The following INPP4B variants were observed in gnomAD, a reference collection of about 807,000 sequenced individuals.
INPP4B encodes the protein inositol polyphosphate 4-phosphatase type II.
In INPP4B, 55 loss-of-function variants were observed where a neutral mutation model predicts 122.5. The observed-to-expected ratio is 0.45, with a 90% CI of 0.36 to 0.56. The LOEUF (loss-of-function observed/expected upper bound fraction) is 0.56. Ranked by LOEUF, INPP4B falls within the 20% of genes least tolerant of loss-of-function variation. The pLI is 0.00. For synonymous variants in INPP4B, 403 were observed against 388.7 expected, an observed-to-expected ratio of 1.04 and a Z score of -0.43; for missense variants, 1,000 against 1,097.7, an observed-to-expected ratio of 0.91 and a Z score of 1.26.
In INPP4B at chr4:142,679,888, G is replaced by A. The variant is rs190711105; in HGVS notation, c.-191+45951C>T. 2.4e-3 allele frequency among the ~76,000 whole-genome samples: 367 copies of A among 151,554 alleles called. No individual in the cohort carries two copies. In the Middle Eastern group the frequency reaches 0.034, roughly 14 times the overall value. ...TGTATACCCTTCAATAGTACTCCCT[G>A]TGTCAAAACGTTAAAAAAAAAATAG... is the stretch of plus-strand genomic sequence containing the variant. On this transcript the variant is annotated intron_variant, in intron 2 of 25. Transcript: ENST00000262992.
intron 2 of INPP4B, among the ~76,000 whole-genome samples, chr4:142,682,721 A>G (rs766261736): frequency 3.3e-5 from 5 of 151,932 alleles, no homozygotes; most frequent in Admixed American, 2.0e-4. Flanking sequence ...GACTCTGATC[A>G]TGGGACTCTG....
chr4:142,528,067 T>C (rs778753541), intron 2 of INPP4B, among the ~76,000 whole-genome samples: 6 of 152,052 alleles, frequency 3.9e-5, no homozygotes, highest in Non-Finnish European at 8.8e-5. Flanking sequence ...TTATTGCTTT[T>C]ATTGTCTTGG....
chr4:142,409,624 G>T (rs566472877), intron 5 of INPP4B, among the ~76,000 whole-genome samples: 84 of 152,236 alleles, frequency 5.5e-4, no homozygotes, highest in Non-Finnish European at 1.0e-3. Context: ...GAACAAACTG[G>T]AAAGCTTACA....
At chr4:142,642,250 G>A (rs1193782951) in intron 2 of INPP4B, among the ~76,000 whole-genome samples, 2 of 152,150 alleles carry the variant, frequency 1.3e-5, no homozygotes, top group Non-Finnish European at 1.5e-5. Context: ...TTCTTTTGCT[G>A]TGCAGAAGCT....
Position 142,145,940 on chromosome 4 carries a change from G to A in INPP4B, c.1620C>T (p.Asp540=), listed in dbSNP as rs2152843289. The change falls in exon 18 of 26, where the codon GAC becomes GAT. Residue 540 remains aspartate (D), a synonymous_variant. Transcript: ENST00000262992. ...TGCCACCATCTCTTTCAATCAGTTT[G>A]TCCACCATAGCAATAATGCAGTTCA... ...KSLNCIIAMV[D]KLIERDGGSE... The A allele has an allele frequency of 1.9e-6, 3 of 1,613,802 alleles. No homozygotes were observed. Among genetic ancestry groups the A allele is most frequent in the Non-Finnish European group, 2.5e-6 (3 of 1,179,792 alleles).
At chr4:142,236,268 G>A (rs536373178) in intron 12 of INPP4B, among the ~76,000 whole-genome samples, 1 of 152,260 alleles carries the variant, frequency 6.6e-6, no homozygotes, top group Non-Finnish European at 1.5e-5. Context: ...TGAGCATAAT[G>A]ACTCTTATAT....
intron 13 of INPP4B, 51 bp downstream of exon 13, chr4:142,208,845 C>A: frequency 7.6e-7 from 1 of 1,323,940 alleles, no homozygotes. Flanking sequence ...TTTCATTTCA[C>A]ATGCAGGAAA....
At chr4:142,195,697 G>A (rs566419295) in intron 14 of INPP4B, among the ~76,000 whole-genome samples, 102 of 152,204 alleles carry the variant, frequency 6.7e-4, no homozygotes, top group South Asian at 1.2e-3. Context: ...ATTGCCTGTA[G>A]CCTCTCTAGA....
intron 11 of INPP4B, among the ~76,000 whole-genome samples, chr4:142,241,141 G>T (rs1219845349): frequency 2.0e-5 from 3 of 152,122 alleles, no homozygotes; most frequent in African/African-American, 7.2e-5. Context: ...GAGATGGCTT[G>T]CTATCCATAC....
chr4:142,154,137 A>G (rs932107108), intron 17 of INPP4B, among the ~76,000 whole-genome samples: 1 of 151,980 alleles, frequency 6.6e-6, no homozygotes, highest in Admixed American at 6.6e-5. Flanking sequence ...GGTGAGAGTG[A>G]ATGCTTTGAG....
chr4:142,549,720 G>T lies in INPP4B; in HGVS notation c.-190-86994C>A, dbSNP rs140789140. ...ATTCCTTGGATGGTTACACAGGGGT[G>T]TCATTGAGATCTGGTAAGTAACCTG... On this transcript the variant is annotated intron_variant, in intron 2 of 25. Coordinates refer to ENST00000262992, the MANE Select transcript of INPP4B (RefSeq NM_001101669.3). Among the ~76,000 whole-genome samples, 410 of 152,276 alleles carry T rather than the reference G, an allele frequency of 2.7e-3. 2 individuals carry two copies. The highest frequency in any genetic ancestry group is 9.4e-3 in the African/African-American group (389 of 41,562).
intron 22 of INPP4B, among the ~76,000 whole-genome samples, chr4:142,110,738 G>C (rs1319211700): frequency 6.6e-6 from 1 of 152,058 alleles, no homozygotes; most frequent in East Asian, 1.9e-4. Flanking sequence ...TTCTTAGTAT[G>C]CAAGAGAGAT....
intron 5 of INPP4B, among the ~76,000 whole-genome samples, chr4:142,419,959 T>C (rs1019742582): frequency 6.6e-6 from 1 of 152,032 alleles, no homozygotes; most frequent in Non-Finnish European, 1.5e-5. Context: ...TACCCCTAAG[T>C]AGCAACAGAT....
intron 9 of INPP4B, among the ~76,000 whole-genome samples, chr4:142,276,073 C>G (rs1239330742): frequency 6.6e-6 from 1 of 151,782 alleles, no homozygotes; most frequent in African/African-American, 2.4e-5. Context: ...TTGCCCTTCC[C>G]CTCTAATCAG....
chr4:142,043,102 A>G (rs1749164662), intron 25 of INPP4B, among the ~76,000 whole-genome samples: 1 of 152,136 alleles, frequency 6.6e-6, no homozygotes, highest in African/African-American at 2.4e-5. Context: ...TCATCTCCCC[A>G]AAAGGATAGG....
intron 23 of INPP4B, among the ~76,000 whole-genome samples, chr4:142,095,746 G>T (rs1177998404): frequency 6.6e-6 from 1 of 152,068 alleles, no homozygotes; most frequent in Non-Finnish European, 1.5e-5. Context: ...AAGGAGAGAG[G>T]CTATTGGATA....
chr4:142,746,293 T>C (rs1768737566), intron 1 of INPP4B, among the ~76,000 whole-genome samples: 1 of 151,820 alleles, frequency 6.6e-6, no homozygotes, highest in African/African-American at 2.4e-5. Flanking sequence ...CAGAATAACA[T>C]ACCTAGGAAT....
rs148903717 is a variant in INPP4B at position 142,288,500 on chromosome 4, T to C, written c.503+16958A>G. 1.9e-3 allele frequency among the ~76,000 whole-genome samples: 291 copies of C among 152,092 alleles called. 2 individuals carry two copies. Among genetic ancestry groups the C allele is most frequent in the African/African-American group, 6.9e-3 (285 of 41,500 alleles). Reference sequence around the variant, plus strand: ...TCAGGAGGCTGAGGCAGGAGAATGGTGTGAACCAGGGAGGCGGAGCTTGCA... The same window carrying C: ...TCAGGAGGCTGAGGCAGGAGAATGGCGTGAACCAGGGAGGCGGAGCTTGCA... On this transcript the variant is annotated intron_variant, in intron 9 of 25. Coordinates refer to ENST00000262992, the MANE Select transcript of INPP4B (RefSeq NM_001101669.3).
At chr4:142,401,981 GT>G in intron 7 of INPP4B, among the ~76,000 whole-genome samples, 1 of 152,134 alleles carries the variant, frequency 6.6e-6, no homozygotes, top group East Asian at 1.9e-4. Context: ...AAGTTTTGTG[GT>G]AAAGAATGGA....
Sources: allele counts gnomAD v4.1 joint callset (sites outside exome capture counted in the v4.1 genomes callset), GRCh38; gene constraint gnomAD v4.1.1; transcripts MANE v1.5; gene names NCBI Gene and HGNC (gene_info 2026-07-23, HGNC 2026-07-21).